Variants in FYB2 observed in about 807,000 individuals in gnomAD.
The protein encoded by FYB2 is FYN binding protein 2.
Under a neutral mutation model 94.1 loss-of-function variants are expected in FYB2, and 103 were observed. The observed-to-expected ratio is 1.09, with a 90% CI of 0.93 to 1.29. FYB2 has a LOEUF of 1.29. Among genes scored for constraint, FYB2 ranks in the 50% most tolerant of loss-of-function variants. The probability of loss-of-function intolerance (pLI) is 0.00; values close to 1 mark genes in which losing one functional copy is unlikely to be tolerated. For missense variants in FYB2, 896 were observed against 841.5 expected, an observed-to-expected ratio of 1.06 and a Z score of -0.80; for synonymous variants, 293 against 287.9, an observed-to-expected ratio of 1.02 and a Z score of -0.18.
intron 7 of FYB2, among the ~76,000 whole-genome samples, 157 bp from the exon 8 acceptor site, chr1:56,754,092 A>G (rs115167331): frequency 1.6e-3 from 245 of 152,208 alleles, no homozygotes; most frequent in African/African-American, 5.7e-3. Context: ...TCAATTATAT[A>G]CATAGCTTCC....
chr1:56,744,212 G>A lies in FYB2; in HGVS notation c.1442C>T (p.Ser481Phe). 6.2e-7 allele frequency: 1 copy of A among 1,612,528 alleles called. No individual in the cohort carries two copies. The highest frequency in any genetic ancestry group is 8.5e-7 in the Non-Finnish European group (1 of 1,179,276). ...CTCCTCCGAGATGGAACTTGTCTTA[G>A]AGACCCCTAGGTCTGGAGTTTCTTT... ...STKETPDLGVSKTSSISEEIY... is the reference protein window; with the variant it reads ...STKETPDLGVFKTSSISEEIY... Residue 481 changes from serine (S) to phenylalanine (F), a missense_variant, in exon 10 of 20, where the codon TCT becomes TTT. Transcript: ENST00000343433.
chr1:56,720,140 G>A, intron 18 of FYB2, 33 bp downstream of exon 18: 1 of 1,588,094 alleles, frequency 6.3e-7, no homozygotes, highest in South Asian at 1.2e-5. Flanking sequence ...TAAAAAGAAT[G>A]AAATATTATG....
intron 1 of FYB2, among the ~76,000 whole-genome samples, chr1:56,795,916 C>G (rs1161989558): frequency 3.3e-5 from 5 of 152,176 alleles, no homozygotes; most frequent in African/African-American, 1.2e-4. Flanking sequence ...GCTCTTTACT[C>G]TTTCAACGCA....
intron 4 of FYB2, among the ~76,000 whole-genome samples, chr1:56,770,501 A>T (rs60627310): frequency 0.06 from 9,197 of 152,224 alleles, 915 homozygotes; most frequent in African/African-American, 0.21. Context: ...CTCACTTCAG[A>T]GATTTTAGCC....
At chr1:56,723,110 G>A (rs973861222) in intron 17 of FYB2, among the ~76,000 whole-genome samples, 1 of 151,930 alleles carries the variant, frequency 6.6e-6, no homozygotes, top group African/African-American at 2.4e-5. Flanking sequence ...CAAACACTGT[G>A]CTTACAGTTT....
At chr1:56,744,485 G>A (rs1036415115) in intron 9 of FYB2, among the ~76,000 whole-genome samples, 6 of 151,950 alleles carry the variant, frequency 3.9e-5, no homozygotes, top group East Asian at 1.9e-4. Flanking sequence ...TGCTAACACC[G>A]AATCATGTGG....
chr1:56,761,112 A>G (rs967016175), intron 5 of FYB2, among the ~76,000 whole-genome samples: 2 of 152,332 alleles, frequency 1.3e-5, no homozygotes, highest in Non-Finnish European at 2.9e-5. Context: ...CAACACGGTC[A>G]TGTCTTGGAG....
intron 1 of FYB2, among the ~76,000 whole-genome samples, chr1:56,804,863 A>C (rs1218818258): frequency 6.6e-6 from 1 of 152,108 alleles, no homozygotes; most frequent in Non-Finnish European, 1.5e-5. Context: ...CAAACACATA[A>C]GGTCTTCTCT....
intron 4 of FYB2, among the ~76,000 whole-genome samples, chr1:56,780,012 GC>G (rs1645971028): frequency 1.3e-5 from 2 of 152,006 alleles, no homozygotes; most frequent in African/African-American, 4.8e-5. Context: ...TAATAATATT[GC>G]CATTTTATAG....
intron 9 of FYB2, among the ~76,000 whole-genome samples, chr1:56,747,222 G>T (rs554477969): frequency 6.6e-6 from 1 of 151,320 alleles, no homozygotes; most frequent in South Asian, 2.1e-4. Flanking sequence ...TATCTTCTCC[G>T]ACCCAGTGAC....
intron 8 of FYB2, among the ~76,000 whole-genome samples, chr1:56,753,255 TG>T (rs1175149769): frequency 8.5e-5 from 13 of 152,200 alleles, no homozygotes; most frequent in African/African-American, 3.1e-4. Flanking sequence ...TTGAAGCAGA[TG>T]GGGTCAGTTG....
At chr1:56,799,043 A>G (rs1646462878) in intron 1 of FYB2, among the ~76,000 whole-genome samples, 1 of 152,116 alleles carries the variant, frequency 6.6e-6, no homozygotes, top group African/African-American at 2.4e-5. Flanking sequence ...AGATAACTAT[A>G]TTTTTTTCTA....
At position 56,767,873 on chromosome 1, in the gene FYB2, G is replaced by C; in HGVS notation, c.1019C>G (p.Ser340Cys). 1 of 1,612,508 alleles carries C rather than the reference G, an allele frequency of 6.2e-7. No homozygotes were observed. The highest frequency in any genetic ancestry group is 2.2e-5 in the East Asian group (1 of 44,854). The change falls in exon 5 of 20, where the codon TCT becomes TGT. Residue 340 changes from serine to cysteine, a missense_variant. Coordinates refer to ENST00000343433, the MANE Select transcript of FYB2 (RefSeq NM_001004303.5). ...YEATISYLRH[S>C]GNSINLCTAK... is the part of the protein sequence containing the mutation. ...AGTGCACAGGTTAATGGAGTTGCCAGAGTGTCTCAGATATGAAATTGTTGC... is the reference window on the plus strand; with the variant it reads ...AGTGCACAGGTTAATGGAGTTGCCACAGTGTCTCAGATATGAAATTGTTGC...
At chr1:56,735,693 G>A (rs917592394) in intron 15 of FYB2, among the ~76,000 whole-genome samples, 1 of 151,912 alleles carries the variant, frequency 6.6e-6, no homozygotes, top group Non-Finnish European at 1.5e-5. Context: ...GCTTTATAAG[G>A]GGTTCTTTCC....
chr1:56,792,885 C>T (rs2100980243), intron 1 of FYB2, 82 bp from the exon 2 acceptor site: 2 of 1,414,920 alleles, frequency 1.4e-6, no homozygotes, highest in East Asian at 2.3e-5. Flanking sequence ...CTCATTATTC[C>T]AAGAAAAAAA....
intron 1 of FYB2, among the ~76,000 whole-genome samples, chr1:56,807,140 T>A (rs1279532906): frequency 2.0e-5 from 3 of 152,220 alleles, no homozygotes; most frequent in African/African-American, 7.2e-5. Flanking sequence ...CTGCTCTCCC[T>A]GCTGCCCTCT....
chr1:56,743,618 T>C (rs182623517), intron 11 of FYB2, among the ~76,000 whole-genome samples: 102 of 152,084 alleles, frequency 6.7e-4, no homozygotes, highest in African/African-American at 2.4e-3. Context: ...AAGATGAAGA[T>C]TGAGTACAGT....
At chr1:56,765,213 T>C (rs1645593506) in intron 5 of FYB2, among the ~76,000 whole-genome samples, 1 of 152,178 alleles carries the variant, frequency 6.6e-6, no homozygotes, top group South Asian at 2.1e-4. Flanking sequence ...TGGCCTTTGC[T>C]GACACTACAA....
At chr1:56,790,296 A>G (rs886802839) in intron 2 of FYB2, among the ~76,000 whole-genome samples, 2 of 152,236 alleles carry the variant, frequency 1.3e-5, no homozygotes, top group Admixed American at 6.5e-5. Context: ...TTACATCCCC[A>G]GAAACTCGGG....
Sources: gnomAD v4.1 joint callset for allele counts (sites outside exome capture counted in the v4.1 genomes callset) on GRCh38, gnomAD v4.1.1 for gene constraint, MANE v1.5 for transcripts, NCBI Gene and HGNC (gene_info 2026-07-23, HGNC 2026-07-21) for gene names.